Variants in GPC5 observed in about 807,000 individuals in gnomAD.
GPC5 encodes the protein glypican 5.
A neutral mutation model predicts 53.9 loss-of-function variants in GPC5; 47 were observed. The ratio of observed to expected loss-of-function variants is 0.87; its 90% CI spans 0.69 to 1.11. The LOEUF is 1.11. GPC5 is among the 50% of genes most tolerant of loss of function. GPC5 has a pLI of 0.00. For synonymous variants in GPC5, 286 were observed against 263.3 expected (o/e 1.09, Z -0.84); for missense variants, 748 against 713.1 (o/e 1.05, Z -0.56).
intron 6 of GPC5, among the ~76,000 whole-genome samples, chr13:91,979,675 C>G (rs2040339994): frequency 6.6e-6 from 1 of 152,156 alleles, no homozygotes; most frequent in Admixed American, 6.5e-5. Context: ...TCCTGCGGCT[C>G]CTCTGTGGGA....
At chr13:91,792,727 A>C (rs1390969747) in intron 5 of GPC5, among the ~76,000 whole-genome samples, 1 of 152,158 alleles carries the variant, frequency 6.6e-6, no homozygotes, top group Non-Finnish European at 1.5e-5. Flanking sequence ...AAAACCAGTA[A>C]ATTCCATGGG....
intron 6 of GPC5, among the ~76,000 whole-genome samples, chr13:92,089,464 T>C (rs971667229): frequency 3.3e-5 from 5 of 151,282 alleles, no homozygotes; most frequent in South Asian, 2.1e-4. Context: ...AAACCCAGAA[T>C]TGGTTAATTT....
chr13:91,513,351 C>T (rs1409523644), intron 2 of GPC5, among the ~76,000 whole-genome samples: 1 of 137,360 alleles, frequency 7.3e-6, no homozygotes, highest in South Asian at 2.4e-4. Flanking sequence ...TACTTGTTTT[C>T]ATTTGTGTGT....
At chr13:92,254,236 G>GT (rs1349250413) in intron 7 of GPC5, among the ~76,000 whole-genome samples, 6 of 152,066 alleles carry the variant, frequency 3.9e-5, no homozygotes, top group Non-Finnish European at 8.8e-5. Flanking sequence ...ACAAATTGAG[G>GT]TTTTCTCAGA....
chr13:92,416,596 T>C (rs1028483219), intron 7 of GPC5, among the ~76,000 whole-genome samples: 2 of 152,164 alleles, frequency 1.3e-5, no homozygotes, highest in African/African-American at 4.8e-5. Context: ...AAACATAAAG[T>C]AGTATCTAAA....
intron 7 of GPC5, among the ~76,000 whole-genome samples, chr13:92,270,121 A>T (rs546676824): frequency 6.6e-6 from 1 of 152,188 alleles, no homozygotes; most frequent in African/African-American, 2.4e-5. Context: ...ATAGGAACAT[A>T]GGGATCATGA....
At chr13:92,851,144 A>G (rs955641706) in intron 7 of GPC5, among the ~76,000 whole-genome samples, 6 of 152,104 alleles carry the variant, frequency 3.9e-5, no homozygotes, top group Non-Finnish European at 7.4e-5. Flanking sequence ...AGATATAATG[A>G]GAACTCACTC....
At chr13:92,112,537 T>C (rs1215086222) in intron 6 of GPC5, among the ~76,000 whole-genome samples, 1 of 152,150 alleles carries the variant, frequency 6.6e-6, no homozygotes, top group Non-Finnish European at 1.5e-5. Context: ...AATTTGAATA[T>C]TGCATAATCA....
intron 6 of GPC5, among the ~76,000 whole-genome samples, chr13:91,990,720 T>C (rs911798914): frequency 4.6e-5 from 7 of 152,334 alleles, no homozygotes; most frequent in East Asian, 3.9e-4. Flanking sequence ...AAGGGGCTTG[T>C]ATATTGCTCA....
chr13:92,587,622 G>A (rs528633486), intron 7 of GPC5, among the ~76,000 whole-genome samples: 14 of 152,206 alleles, frequency 9.2e-5, no homozygotes, highest in East Asian at 1.9e-4. Context: ...AGAGCATATC[G>A]TCTAGTCTCA....
chr13:91,897,687 A>G (rs1412049429), intron 5 of GPC5, among the ~76,000 whole-genome samples: 4 of 152,208 alleles, frequency 2.6e-5, no homozygotes, highest in African/African-American at 9.7e-5. Context: ...TGCCAAAGTG[A>G]AGAAAGGAAA....
At chr13:92,632,187 A>T (rs1370234443) in intron 7 of GPC5, among the ~76,000 whole-genome samples, 2 of 152,136 alleles carry the variant, frequency 1.3e-5, no homozygotes, top group African/African-American at 4.8e-5. Context: ...CCTTTTCTCT[A>T]TGTAGCTCTT....
chr13:91,990,812 A>G (rs1335456510), intron 6 of GPC5, among the ~76,000 whole-genome samples: 1 of 152,208 alleles, frequency 6.6e-6, no homozygotes. Context: ...ACATTTTAGA[A>G]CAAAATAAAA....
intron 7 of GPC5, among the ~76,000 whole-genome samples, chr13:92,152,876 T>G (rs1247358526): frequency 6.6e-6 from 1 of 152,190 alleles, no homozygotes; most frequent in East Asian, 1.9e-4. Flanking sequence ...ATACAACATT[T>G]CCATGGCCCT....
Position 92,539,312 on chromosome 13 carries a change from C to T in GPC5, c.1562-326970C>T, listed in dbSNP as rs1881847056. On this transcript the variant is annotated intron_variant, in intron 7 of 7. Transcript: ENST00000377067. ...ACAGTGTAAAAGTGTTCCTATTTCTCCACATCTTCTCCAGCATCTGTTGTT... is the reference window on the plus strand; with the variant it reads ...ACAGTGTAAAAGTGTTCCTATTTCTTCACATCTTCTCCAGCATCTGTTGTT... Among the ~76,000 whole-genome samples, 4 of 151,934 alleles carry T rather than the reference C, an allele frequency of 2.6e-5. No individual in the cohort carries two copies. In the South Asian group the frequency reaches 8.3e-4, roughly 31 times the overall value.
intron 7 of GPC5, among the ~76,000 whole-genome samples, chr13:92,377,933 T>C (rs1229659829): frequency 6.6e-6 from 1 of 152,252 alleles, no homozygotes; most frequent in Non-Finnish European, 1.5e-5. Context: ...GTATCCTGAA[T>C]ATGAGCTGTA....
intron 7 of GPC5, among the ~76,000 whole-genome samples, chr13:92,704,166 C>G (rs999179308): frequency 6.6e-6 from 1 of 152,028 alleles, no homozygotes; most frequent in African/African-American, 2.4e-5. Context: ...GAGAACAATG[C>G]TTTGCTTAAA....
At position 92,356,751 on chromosome 13, in the gene GPC5, C is replaced by T. The variant is rs139140989; in HGVS notation, c.1561+211762C>T. On this transcript the variant is annotated intron_variant, in intron 7 of 7. Transcript: ENST00000377067. Reference sequence around the variant, plus strand: ...TAGAGGTACATATGCAGGCTTGTTACGTAGGTAAACTTGTAGATAAACTTC... The same window carrying T: ...TAGAGGTACATATGCAGGCTTGTTATGTAGGTAAACTTGTAGATAAACTTC... Among the ~76,000 whole-genome samples the T allele has an allele frequency of 1.8e-4, 28 of 152,220 alleles. No individual in the cohort carries two copies. In the East Asian group the frequency reaches 5.2e-3, roughly 28 times the overall value.
intron 7 of GPC5, among the ~76,000 whole-genome samples, chr13:92,740,958 G>GTATATATATATATA (rs1243138473): frequency 3.4e-5 from 3 of 89,278 alleles, no homozygotes; most frequent in African/African-American, 1.2e-4. Context: ...ATATATGTAT[G>GTATATATATATATA]TGTATATATA....
Sources: gnomAD v4.1 joint callset for allele counts (sites outside exome capture counted in the v4.1 genomes callset) on GRCh38, gnomAD v4.1.1 for gene constraint, MANE v1.5 for transcripts, NCBI Gene and HGNC (gene_info 2026-07-23, HGNC 2026-07-21) for gene names.